NIBAN1: variants seen among roughly 807,000 people sequenced by gnomAD.
The protein encoded by NIBAN1 is protein Niban 1.
In NIBAN1, 81 loss-of-function variants were observed where a neutral mutation model predicts 75.1. The observed-to-expected ratio is 1.08, with a 90% confidence interval of 0.90 to 1.30. The LOEUF is 1.30. NIBAN1 is among the 50% of genes most tolerant of loss of function. NIBAN1 has a pLI of 0.00. For synonymous variants in NIBAN1, 436 were observed against 424.8 expected (o/e 1.03, Z -0.32); for missense variants, 1,133 against 1,128.1 (o/e 1.00, Z -0.06).
chr1:184,877,252 A>G (rs1656257446), intron 5 of NIBAN1, among the ~76,000 whole-genome samples: 1 of 152,198 alleles, frequency 6.6e-6, no homozygotes, highest in South Asian at 2.1e-4. Flanking sequence ...GAGGAAGTGT[A>G]GTAAAATTCC....
intron 1 of NIBAN1, among the ~76,000 whole-genome samples, chr1:184,965,062 T>G (rs995346625): frequency 2.6e-5 from 4 of 152,112 alleles, no homozygotes; most frequent in South Asian, 2.1e-4. Context: ...CACTTTGGGA[T>G]GCCGAGGCGG....
chr1:184,894,011 C>G, intron 3 of NIBAN1, 64 bp downstream of exon 3: 1 of 1,500,820 alleles, frequency 6.7e-7, no homozygotes, highest in Non-Finnish European at 8.9e-7. Flanking sequence ...GAGGGCACAC[C>G]AATCAACCGA....
chr1:184,801,260 G>A (rs1328091157), intron 12 of NIBAN1, among the ~76,000 whole-genome samples: 4 of 152,116 alleles, frequency 2.6e-5, no homozygotes, highest in South Asian at 2.1e-4. Context: ...AGATCACAGC[G>A]GGTAATAATG....
intron 6 of NIBAN1, among the ~76,000 whole-genome samples, chr1:184,827,801 C>T (rs551553339): frequency 1.1e-4 from 17 of 151,878 alleles, no homozygotes; most frequent in South Asian, 6.2e-4. Context: ...TGAAGCAGGC[C>T]CCGCAGTCTC....
At chr1:184,867,141 C>G (rs1187784399) in intron 5 of NIBAN1, among the ~76,000 whole-genome samples, 1 of 151,914 alleles carries the variant, frequency 6.6e-6, no homozygotes, top group East Asian at 1.9e-4. Flanking sequence ...CACACAGACA[C>G]TCTCTCTCGG....
chr1:184,973,561 C>T (rs747479091), intron 1 of NIBAN1, among the ~76,000 whole-genome samples: 3 of 152,112 alleles, frequency 2.0e-5, no homozygotes, highest in African/African-American at 7.2e-5. Context: ...AAGGAGATAA[C>T]GAGTCAGGAC....
chr1:184,971,483 C>T (rs1278620961), intron 1 of NIBAN1, among the ~76,000 whole-genome samples: 2 of 151,470 alleles, frequency 1.3e-5, no homozygotes, highest in East Asian at 3.9e-4. Context: ...CATCCTGGCC[C>T]ACATGGTGAA....
At chr1:184,952,004 G>C (rs185035886) in intron 1 of NIBAN1, among the ~76,000 whole-genome samples, 3 of 152,312 alleles carry the variant, frequency 2.0e-5, no homozygotes, top group African/African-American at 7.2e-5. Context: ...AGTCCCATGA[G>C]AGCAGGGATT....
intron 13 of NIBAN1, among the ~76,000 whole-genome samples, chr1:184,796,570 G>A (rs1653874884): frequency 2.0e-5 from 3 of 152,284 alleles, no homozygotes; most frequent in Admixed American, 1.3e-4. Context: ...TACTGCACAT[G>A]CAGAGGAGAG....
Position 184,795,370 on chromosome 1 carries a change from TGGC to T in NIBAN1, c.2391_2393del (p.Pro798del). 3 of 1,607,148 alleles carry T rather than the reference TGGC, an allele frequency of 1.9e-6. No homozygotes were observed. In the South Asian group the frequency reaches 3.3e-5, roughly 18 times the overall value. On this transcript the variant is annotated inframe_deletion, in exon 14 of 14. Transcript: ENST00000367511. Reference sequence around the variant, plus strand: ...GCTCCTCGGTGAGCCCTCCACTGGCTGGCGGAGAGGCTGGGCTGCCTACCTCTG... The same window carrying T: ...GCTCCTCGGTGAGCCCTCCACTGGCTGGAGAGGCTGGGCTGCCTACCTCTG...
In NIBAN1 at chr1:184,921,823, C is replaced by T. The variant is rs574771672; in HGVS notation, c.56-22514G>A. 7.9e-5 allele frequency among the ~76,000 whole-genome samples: 12 copies of T among 152,306 alleles called. No homozygotes were observed. In the East Asian group the frequency reaches 2.1e-3, roughly 27 times the overall value. Reference sequence around the variant, plus strand: ...GAACATTCAAATGGTTCTAATAAGGCAATTTAGCTAAACTATGATTCTGTG... The same window carrying T: ...GAACATTCAAATGGTTCTAATAAGGTAATTTAGCTAAACTATGATTCTGTG... On this transcript the variant is annotated intron_variant, in intron 1 of 13. Transcript: ENST00000367511.
In NIBAN1 at chr1:184,795,052, C is replaced by T. The variant is rs751439998; in HGVS notation, c.2712G>A (p.Leu904=). 16 of 1,613,926 alleles carry T rather than the reference C, an allele frequency of 9.9e-6. 1 individual carries two copies. The East Asian group carries it at 3.6e-4, about 36-fold the overall frequency. Residue 904 remains leucine (L), a synonymous_variant, in exon 14 of 14, where the codon CTG becomes CTA. Coordinates refer to ENST00000367511, the MANE Select transcript of NIBAN1 (RefSeq NM_052966.4). ...VVEDAPNPDV[L]LSHKDDVKEG... Reference sequence around the variant, plus strand: ...CCTTCACGTCATCTTTGTGTGACAGCAGGACATCCGGGTTTGGAGCATCCT... The same window carrying T: ...CCTTCACGTCATCTTTGTGTGACAGTAGGACATCCGGGTTTGGAGCATCCT...
intron 1 of NIBAN1, among the ~76,000 whole-genome samples, chr1:184,938,566 G>A (rs745393931): frequency 1.7e-4 from 26 of 151,616 alleles, no homozygotes; most frequent in Non-Finnish European, 3.4e-4. Flanking sequence ...AAGCAAACTG[G>A]GACATAAATA....
At position 184,968,209 on chromosome 1, in the gene NIBAN1, CAAAAAAA is replaced by C. The variant is rs1176738165; in HGVS notation, c.55+6086_55+6092del. On this transcript the variant is annotated intron_variant, in intron 1 of 13. Coordinates refer to ENST00000367511, the MANE Select transcript of NIBAN1 (RefSeq NM_052966.4). The stretch of plus-strand genomic sequence containing the variant: ...TGGGCGACAGAGCGAGACTCCGTCT[CAAAAAAA>C]AAAAAAAAAAAAGAAATCACAACTC... Among the ~76,000 whole-genome samples the C allele has an allele frequency of 4.5e-4, 4 of 8,808 alleles. 1 individual carries two copies. 5.8% of individuals were successfully genotyped at this position (8,808 alleles called of 152,430 possible). A position where few individuals can be genotyped will look rare whatever the true frequency, so the allele number is the denominator to read the frequency against.
chr1:184,965,381 C>T (rs1174869099), intron 1 of NIBAN1, among the ~76,000 whole-genome samples: 1 of 151,832 alleles, frequency 6.6e-6, no homozygotes, highest in South Asian at 2.1e-4. Flanking sequence ...GCATAGTATT[C>T]CAAGGTGTAT....
intron 1 of NIBAN1, among the ~76,000 whole-genome samples, chr1:184,938,977 C>A (rs796199230): frequency 2.2e-4 from 33 of 152,298 alleles, no homozygotes; most frequent in African/African-American, 7.9e-4. Context: ...ATCAAACATC[C>A]ATTGGCTAAT....
In NIBAN1 at chr1:184,875,965, G is replaced by C. The variant is rs184018109; in HGVS notation, c.601+8668C>G. Among the ~76,000 whole-genome samples the C allele has an allele frequency of 3.1e-3, 469 of 152,252 alleles. 2 individuals are homozygous for C. The highest frequency in any genetic ancestry group is 5.1e-3 in the Non-Finnish European group (349 of 68,020). On this transcript the variant is annotated intron_variant, in intron 5 of 13. Transcript: ENST00000367511. ...AAGGCGGGTGGATCACCTGAGGTCA[G>C]GAGTTTGAGACCAGCCTGACCAACA...
At chr1:184,854,781 A>G (rs1655630907) in intron 5 of NIBAN1, among the ~76,000 whole-genome samples, 1 of 152,212 alleles carries the variant, frequency 6.6e-6, no homozygotes, top group Non-Finnish European at 1.5e-5. Flanking sequence ...ATGGATTTAG[A>G]TGCCCCCTGT....
chr1:184,966,277 C>T (rs918899156), intron 1 of NIBAN1, among the ~76,000 whole-genome samples: 2 of 152,208 alleles, frequency 1.3e-5, no homozygotes, highest in Non-Finnish European at 2.9e-5. Context: ...GTCCTAGAAG[C>T]TTCTACATGC....
Sources: gnomAD v4.1 joint callset for allele counts (sites outside exome capture counted in the v4.1 genomes callset) on GRCh38, gnomAD v4.1.1 for gene constraint, MANE v1.5 for transcripts, NCBI Gene and HGNC (gene_info 2026-07-23, HGNC 2026-07-21) for gene names.